The following TRDN variants were observed in gnomAD, a reference collection of about 807,000 sequenced individuals.
TRDN encodes the protein triadin.
TRDN carries 161 observed loss-of-function variants against 149.7 expected under a neutral mutation model. The observed-to-expected ratio is 1.08, with a 90% CI of 0.95 to 1.23. The LOEUF (loss-of-function observed/expected upper bound fraction) is 1.23, where lower values mean the gene tolerates loss of function less well. Among genes scored for constraint, TRDN ranks in the 50% most tolerant of loss-of-function variants. The pLI is 0.00. For missense variants in TRDN, 896 were observed against 823.5 expected, an observed-to-expected ratio of 1.09 and a Z score of -1.08; for synonymous variants, 294 against 250.5, an observed-to-expected ratio of 1.17 and a Z score of -1.64.
chr6:123,532,208 T>C (rs1780284474), intron 4 of TRDN, among the ~76,000 whole-genome samples: 1 of 152,116 alleles, frequency 6.6e-6, no homozygotes, highest in African/African-American at 2.4e-5. Context: ...GAATAAAATA[T>C]AAGTAAAATA....
chr6:123,308,235 C>A (rs575362658), intron 24 of TRDN, among the ~76,000 whole-genome samples: 1 of 151,878 alleles, frequency 6.6e-6, no homozygotes, highest in African/African-American at 2.4e-5. Context: ...TGTAGTTGTA[C>A]CATATTTTCT....
intron 19 of TRDN, among the ~76,000 whole-genome samples, chr6:123,368,456 T>C (rs1781198685): frequency 6.6e-6 from 1 of 152,204 alleles, no homozygotes; most frequent in African/African-American, 2.4e-5. Context: ...AAGCCTATGA[T>C]ATTCAGATAT....
At chr6:123,618,726 T>A (rs1785230164) in intron 1 of TRDN, among the ~76,000 whole-genome samples, 2 of 152,180 alleles carry the variant, frequency 1.3e-5, no homozygotes, top group South Asian at 2.1e-4. Context: ...CAACCGTGTA[T>A]CTTTTGGGCA....
chr6:123,529,345 A>G, intron 5 of TRDN: 2 of 1,548,368 alleles, frequency 1.3e-6, no homozygotes, highest in Non-Finnish European at 1.7e-6. Context: ...CAGTAAGGAG[A>G]CATTAGTTTC....
chr6:123,245,670 C>T (rs747640363), intron 38 of TRDN, among the ~76,000 whole-genome samples: 1 of 152,046 alleles, frequency 6.6e-6, no homozygotes, highest in African/African-American at 2.4e-5. Flanking sequence ...ACTTTCAATA[C>T]TAGACAGAAC....
chr6:123,478,923 A>G (rs540627285), intron 9 of TRDN, among the ~76,000 whole-genome samples: 1 of 152,202 alleles, frequency 6.6e-6, no homozygotes, highest in East Asian at 1.9e-4. Flanking sequence ...ACATTTGTTT[A>G]TTTACAAGTT....
At chr6:123,234,772 T>G (rs1775725814) in intron 38 of TRDN, among the ~76,000 whole-genome samples, 1 of 152,122 alleles carries the variant, frequency 6.6e-6, no homozygotes, top group African/African-American at 2.4e-5. Context: ...AATCTTCAAA[T>G]AGAATTGACC....
chr6:123,227,466 T>A (rs114814791), intron 38 of TRDN, among the ~76,000 whole-genome samples: 2,657 of 151,954 alleles, frequency 0.017, 74 homozygotes, highest in African/African-American at 0.06. Context: ...TGGGTTGAAC[T>A]GTGGTGCTAG....
intron 5 of TRDN, among the ~76,000 whole-genome samples, chr6:123,517,355 TA>T (rs1779462930): frequency 2.6e-5 from 4 of 152,228 alleles, no homozygotes; most frequent in African/African-American, 9.6e-5. Context: ...ATACCTATCA[TA>T]ATATTATAAT....
At chr6:123,562,777 T>C (rs1782071277) in intron 2 of TRDN, among the ~76,000 whole-genome samples, 1 of 152,200 alleles carries the variant, frequency 6.6e-6, no homozygotes, top group Non-Finnish European at 1.5e-5. Context: ...TCTGCAAGTA[T>C]TGTTGGATAT....
At chr6:123,381,931 G>T (rs1781734724) in intron 15 of TRDN, among the ~76,000 whole-genome samples, 187 bp downstream of exon 15, 1 of 150,070 alleles carries the variant, frequency 6.7e-6, no homozygotes, top group Non-Finnish European at 1.5e-5. Flanking sequence ...ACTTCTCATA[G>T]CAGTATTGTC....
At chr6:123,338,037 G>A (rs1242872905) in intron 21 of TRDN, among the ~76,000 whole-genome samples, 3 of 152,138 alleles carry the variant, frequency 2.0e-5, no homozygotes, top group African/African-American at 7.2e-5. Flanking sequence ...ACTCCATGAG[G>A]TATATAGGTT....
chr6:123,290,464 C>T (rs1400129438), intron 24 of TRDN, among the ~76,000 whole-genome samples: 1 of 152,110 alleles, frequency 6.6e-6, no homozygotes, highest in African/African-American at 2.4e-5. Context: ...TAAAATTTAA[C>T]AGAATTTTTA....
chr6:123,450,029 G>A (rs1228316852), intron 10 of TRDN, among the ~76,000 whole-genome samples: 1 of 152,102 alleles, frequency 6.6e-6, no homozygotes, highest in Non-Finnish European at 1.5e-5. Flanking sequence ...GAGAGAATTC[G>A]CCATTACCAA....
chr6:123,471,966 C>T (rs9388248), intron 9 of TRDN, among the ~76,000 whole-genome samples: 29,799 of 152,098 alleles, frequency 0.2, 3,874 homozygotes, highest in East Asian at 0.63. Flanking sequence ...ATGTAAAAGA[C>T]TTTTGAAATC....
chr6:123,432,881 T>C (rs1183451027), intron 12 of TRDN, among the ~76,000 whole-genome samples: 1 of 152,036 alleles, frequency 6.6e-6, no homozygotes, highest in African/African-American at 2.4e-5. Context: ...TCTCTTGCTT[T>C]ATTTTCCACC....
intron 1 of TRDN, among the ~76,000 whole-genome samples, chr6:123,634,939 C>A (rs1243580397): frequency 6.6e-6 from 1 of 151,718 alleles, no homozygotes; most frequent in Non-Finnish European, 1.5e-5. Context: ...CTTTTAAACC[C>A]CCGCAGAGCA....
intron 5 of TRDN, among the ~76,000 whole-genome samples, chr6:123,527,477 C>T (rs753587411): frequency 1.3e-5 from 2 of 151,786 alleles, no homozygotes; most frequent in African/African-American, 4.8e-5. Context: ...GATTATATTC[C>T]GCAAGATCAT....
At chr6:123,585,210 A>C (rs559453615) in intron 1 of TRDN, among the ~76,000 whole-genome samples, 4 of 150,560 alleles carry the variant, frequency 2.7e-5, no homozygotes, top group East Asian at 2.0e-4. Flanking sequence ...AATGAGATGT[A>C]GCTGTAATCC....
Sources: gnomAD v4.1 joint callset for allele counts (sites outside exome capture counted in the v4.1 genomes callset) on GRCh38, gnomAD v4.1.1 for gene constraint, MANE v1.5 for transcripts, NCBI Gene and HGNC (gene_info 2026-07-23, HGNC 2026-07-21) for gene names.